HPSE2: variants seen among roughly 807,000 people sequenced by gnomAD.
HPSE2 encodes heparanase 2 (inactive).
A neutral mutation model predicts 60.5 loss-of-function variants in HPSE2; 38 were observed. The observed-to-expected ratio is 0.63, with a 90% CI of 0.48 to 0.82. The LOEUF is 0.82. Ranked by LOEUF, HPSE2 falls within the 40% of genes least tolerant of loss-of-function variation. HPSE2 has a pLI of 0.00. For synonymous variants in HPSE2, 295 were observed against 293.2 expected, an observed-to-expected ratio of 1.01 and a Z score of -0.06; for missense variants, 713 against 740.4, an observed-to-expected ratio of 0.96 and a Z score of 0.43.
At chr10:99,286,464 T>A in the HPSE2 span, among the ~76,000 whole-genome samples, 6 of 152,194 alleles carry the variant, frequency 3.9e-5, no homozygotes, top group Admixed American at 2.6e-4. Flanking sequence ...TGATTCCACT[T>A]ATATGAAATA....
chr10:98,747,745 CATATTATCTGTGACATA>C (rs1159439161), intron 3 of HPSE2, among the ~76,000 whole-genome samples: 1 of 152,186 alleles, frequency 6.6e-6, no homozygotes, highest in Non-Finnish European at 1.5e-5. Flanking sequence ...TGCTCTGTGA[CATATTATCTGTGACATA>C]ATATTATCTT....
chr10:98,487,882 C>G (rs923981578), intron 10 of HPSE2, among the ~76,000 whole-genome samples: 1 of 152,238 alleles, frequency 6.6e-6, no homozygotes, highest in Non-Finnish European at 1.5e-5. Context: ...TTGAGCTGCC[C>G]TAGCTGGACA....
At chr10:99,273,550 G>T in the HPSE2 span, among the ~76,000 whole-genome samples, 130,286 of 152,232 alleles carry the variant, frequency 0.86, 56,111 homozygotes, top group African/African-American at 0.92. Flanking sequence ...TGAGAAAATT[G>T]GGTTCTAAAT....
At chr10:98,495,817 G>C (rs1941817341) in intron 9 of HPSE2, among the ~76,000 whole-genome samples, 1 of 152,002 alleles carries the variant, frequency 6.6e-6, no homozygotes, top group Non-Finnish European at 1.5e-5. Context: ...ACGTCTTCAA[G>C]AGAATTGGTT....
At position 98,941,231 on chromosome 10, in the gene HPSE2, A is replaced by T. The variant is rs1226483293; in HGVS notation, c.611-197175T>A. 7.1e-4 allele frequency among the ~76,000 whole-genome samples: 94 copies of T among 133,304 alleles called. 2 individuals carry two copies. The highest frequency in any genetic ancestry group is 1.8e-3 in the Admixed American group (24 of 13,000). The allele number at this position is 133,304 out of a possible 152,430, so 87.5% of individuals were successfully genotyped here. The stretch of plus-strand genomic sequence containing the variant: ...CAACATAGTGTTGGAAGTTCTGGCC[A>T]GGGCAATTAGGCAGGAGAAGGAAAT... On this transcript the variant is annotated intron_variant, in intron 3 of 11. Coordinates refer to ENST00000370552, the MANE Select transcript of HPSE2 (RefSeq NM_021828.5).
intron 3 of HPSE2, among the ~76,000 whole-genome samples, chr10:98,980,149 AC>A (rs1367264602): frequency 6.6e-6 from 1 of 152,136 alleles, no homozygotes; most frequent in Non-Finnish European, 1.5e-5. Context: ...CTACCATCCA[AC>A]CTAAGTGCCC....
At chr10:98,544,644 C>T (rs200113701) in intron 9 of HPSE2, among the ~76,000 whole-genome samples, 1 of 132,810 alleles carries the variant, frequency 7.5e-6, no homozygotes, top group African/African-American at 2.8e-5. Context: ...ACCCAGGAGG[C>T]GGAGCTTGCA....
At chr10:98,647,450 T>C (rs138376459) in intron 6 of HPSE2, among the ~76,000 whole-genome samples, 5 of 152,314 alleles carry the variant, frequency 3.3e-5, no homozygotes, top group Middle Eastern at 3.4e-3. Flanking sequence ...ATTTCCGGAC[T>C]TATTTTGCTC....
chr10:99,308,214 C>A, the HPSE2 span, among the ~76,000 whole-genome samples: 1 of 151,408 alleles, frequency 6.6e-6, no homozygotes, highest in Non-Finnish European at 1.5e-5. Flanking sequence ...ATGGTGAAAT[C>A]CTGTCTCTAC....
chr10:98,569,498 T>C (rs1334539877), intron 9 of HPSE2, among the ~76,000 whole-genome samples: 1 of 152,186 alleles, frequency 6.6e-6, no homozygotes, highest in Non-Finnish European at 1.5e-5. Context: ...TTATACCATA[T>C]AGCATTTTGA....
chr10:98,477,411 G>A (rs1005779912), intron 11 of HPSE2, among the ~76,000 whole-genome samples: 1 of 152,180 alleles, frequency 6.6e-6, no homozygotes, highest in Non-Finnish European at 1.5e-5. Context: ...CTGGGGGAGA[G>A]AGCCAGATCA....
chr10:98,546,593 C>G (rs1202292868), intron 9 of HPSE2, among the ~76,000 whole-genome samples: 4 of 151,744 alleles, frequency 2.6e-5, no homozygotes, highest in African/African-American at 4.8e-5. Context: ...GGAAAACTGG[C>G]TAGCCATATG....
intron 5 of HPSE2, among the ~76,000 whole-genome samples, chr10:98,696,163 T>C (rs10883162): frequency 0.59 from 89,786 of 151,626 alleles, 27,093 homozygotes; most frequent in South Asian, 0.78. Flanking sequence ...AAGAAAGAAA[T>C]GTAAAAACAA....
chr10:99,281,254 TATA>T, the HPSE2 span, among the ~76,000 whole-genome samples: 848 of 148,606 alleles, frequency 5.7e-3, 35 homozygotes, highest in Admixed American at 0.049. Flanking sequence ...TATATTAATA[TATA>T]ATAATATATA....
At chr10:98,837,871 C>G (rs1218183366) in intron 3 of HPSE2, among the ~76,000 whole-genome samples, 2 of 117,246 alleles carry the variant, frequency 1.7e-5, no homozygotes, top group Non-Finnish European at 4.1e-5. Flanking sequence ...GAGACTCCAT[C>G]TCAAAAAAAA....
At chr10:99,150,904 G>GA (rs1846236154) in intron 2 of HPSE2, among the ~76,000 whole-genome samples, 1 of 152,086 alleles carries the variant, frequency 6.6e-6, no homozygotes, top group Non-Finnish European at 1.5e-5. Context: ...AGCTGAACAT[G>GA]AAAACATTAA....
intron 3 of HPSE2, among the ~76,000 whole-genome samples, chr10:99,014,376 T>G (rs187412207): frequency 2.6e-5 from 4 of 152,222 alleles, no homozygotes; most frequent in Non-Finnish European, 5.9e-5. Context: ...TTAGGTTGAT[T>G]CCATGTCTTT....
chr10:99,221,034 G>A (rs1396971477), intron 2 of HPSE2, among the ~76,000 whole-genome samples: 7 of 151,622 alleles, frequency 4.6e-5, no homozygotes, highest in East Asian at 2.0e-4. Context: ...TAGTAGAGAC[G>A]GGGTTTCACC....
chr10:99,290,065 A>G, the HPSE2 span, among the ~76,000 whole-genome samples: 1 of 152,202 alleles, frequency 6.6e-6, no homozygotes, highest in African/African-American at 2.4e-5. Context: ...CTCCCCGCCC[A>G]CTTATAGATC....
Sources: allele counts gnomAD v4.1 joint callset (sites outside exome capture counted in the v4.1 genomes callset), GRCh38; gene constraint gnomAD v4.1.1; transcripts MANE v1.5; gene names NCBI Gene and HGNC (gene_info 2026-07-23, HGNC 2026-07-21).